WDR5: variants seen among roughly 807,000 people sequenced by gnomAD.
WDR5 encodes the protein WD repeat-containing protein 5.
For missense variants in WDR5, 187 were observed against 416.9 expected (o/e 0.45, Z 4.80); for synonymous variants, 144 against 161.6 (o/e 0.89, Z 0.83).
chr9:134,136,554 A>G (rs1831569793), intron 1 of WDR5, among the ~76,000 whole-genome samples: 1 of 151,650 alleles, frequency 6.6e-6, no homozygotes, highest in African/African-American at 2.4e-5. Flanking sequence ...TCAGGGAAGG[A>G]CCCCAGACCC....
chr9:134,149,585 A>G (rs1832392895), intron 8 of WDR5, among the ~76,000 whole-genome samples: 1 of 152,206 alleles, frequency 6.6e-6, no homozygotes, highest in Admixed American at 6.5e-5. Context: ...TGTGTCACCA[A>G]CAGGGAAGTG....
intron 7 of WDR5, among the ~76,000 whole-genome samples, chr9:134,146,169 G>A (rs1267180304): frequency 1.3e-5 from 2 of 150,156 alleles, no homozygotes; most frequent in Non-Finnish European, 3.0e-5. Flanking sequence ...GGGTTTCACC[G>A]TGTTAGCCGG....
intron 1 of WDR5, among the ~76,000 whole-genome samples, chr9:134,136,816 G>A (rs1015652476): frequency 6.6e-5 from 10 of 152,180 alleles, no homozygotes; most frequent in Non-Finnish European, 1.3e-4. Context: ...AGGTCGGCCT[G>A]TTACATCGCT....
At chr9:134,136,420 C>G (rs1213259446) in intron 1 of WDR5, among the ~76,000 whole-genome samples, 2 of 151,758 alleles carry the variant, frequency 1.3e-5, no homozygotes, top group African/African-American at 2.4e-5. Flanking sequence ...GGTCCGCCCC[C>G]ACTCGCGCCC....
At chr9:134,140,559 A>C in intron 2 of WDR5, 144 bp from the exon 3 acceptor site, 4 of 735,988 alleles carry the variant, frequency 5.4e-6, no homozygotes, top group African/African-American at 1.7e-5. Flanking sequence ...CTGTCCACAT[A>C]GAGATTGGTG....
chr9:134,139,621 G>C (rs529420599), intron 1 of WDR5, among the ~76,000 whole-genome samples, 199 bp from the exon 2 acceptor site: 1 of 152,116 alleles, frequency 6.6e-6, no homozygotes, highest in Non-Finnish European at 1.5e-5. Context: ...AGGGGAGAGC[G>C]CAGGGGTGTC....
At chr9:134,146,439 T>C (rs1001058290) in intron 7 of WDR5, among the ~76,000 whole-genome samples, 1 of 152,226 alleles carries the variant, frequency 6.6e-6, no homozygotes, top group Non-Finnish European at 1.5e-5. Context: ...TTTCACCATG[T>C]TGGCCAGGCT....
chr9:134,150,950 C>T (rs953363425), intron 8 of WDR5, among the ~76,000 whole-genome samples: 8 of 152,094 alleles, frequency 5.3e-5, no homozygotes, highest in Non-Finnish European at 8.8e-5. Flanking sequence ...TTTAGGAATG[C>T]GGCTAGTGAG....
intron 8 of WDR5, among the ~76,000 whole-genome samples, chr9:134,150,587 A>G (rs952091069): frequency 9.9e-5 from 15 of 152,268 alleles, no homozygotes; most frequent in Admixed American, 3.9e-4. Flanking sequence ...TAGTCCTATG[A>G]AAATTGAATA....
At position 134,155,321 on chromosome 9, in the gene WDR5, C is replaced by A; in HGVS notation, c.708-19C>A. Reference sequence around the variant, plus strand: ...GATGCCTCCAGACATGCCGCCTCACCCCTCTCTCTGTCTTGCAGCACTCTG... The same window carrying A: ...GATGCCTCCAGACATGCCGCCTCACACCTCTCTCTGTCTTGCAGCACTCTG... On this transcript the variant is annotated intron_variant, in intron 10 of 13. Coordinates refer to ENST00000358625, the MANE Select transcript of WDR5 (RefSeq NM_017588.3). 1 of 1,591,424 alleles carries A rather than the reference C, an allele frequency of 6.3e-7. No homozygotes were observed. The highest frequency in any genetic ancestry group is 1.4e-5 in the African/African-American group (1 of 73,814).
intron 7 of WDR5, 144 bp from the exon 8 acceptor site, chr9:134,148,144 G>A: frequency 6.3e-6 from 4 of 632,806 alleles, no homozygotes; most frequent in East Asian, 3.4e-5. Flanking sequence ...GACAGAGCGA[G>A]ACTCTTTCTG....
intron 13 of WDR5, among the ~76,000 whole-genome samples, chr9:134,156,900 G>A (rs1202463666): frequency 6.6e-6 from 1 of 152,212 alleles, no homozygotes; most frequent in East Asian, 1.9e-4. Context: ...ACGTCACGGC[G>A]AGCTCTGTTT....
At chr9:134,153,735 G>C (rs542220635) in intron 9 of WDR5, among the ~76,000 whole-genome samples, 2 of 151,588 alleles carry the variant, frequency 1.3e-5, no homozygotes, top group African/African-American at 2.4e-5. Flanking sequence ...GCGCGTGCAC[G>C]TGCTTGGGGG....
At chr9:134,152,104 A>C (rs1054950377) in intron 9 of WDR5, 75 bp downstream of exon 9, 31 of 1,529,426 alleles carry the variant, frequency 2.0e-5, no homozygotes, top group Middle Eastern at 1.7e-4. Flanking sequence ...CCTGTTCTTC[A>C]CCAGCTCCTC....
At chr9:134,149,477 C>T (rs2132561012) in intron 8 of WDR5, among the ~76,000 whole-genome samples, 1 of 152,276 alleles carries the variant, frequency 6.6e-6, no homozygotes, top group Admixed American at 6.5e-5. Flanking sequence ...GGATACACTT[C>T]AGGAACAGCC....
At chr9:134,144,169 G>C (rs1832048499) in intron 7 of WDR5, among the ~76,000 whole-genome samples, 1 of 152,268 alleles carries the variant, frequency 6.6e-6, no homozygotes, top group Admixed American at 6.5e-5. Context: ...TGCGGGGTCT[G>C]AGCCCCGCAC....
chr9:134,151,883 G>A (rs1355756167), intron 8 of WDR5, 100 bp from the exon 9 acceptor site: 5 of 1,204,350 alleles, frequency 4.2e-6, no homozygotes, highest in African/African-American at 1.5e-5. Flanking sequence ...AAAAAGATAG[G>A]GAAAAGCGTG....
chr9:134,140,006 TAGAG>T, intron 2 of WDR5, 48 bp downstream of exon 2: 1 of 1,602,776 alleles, frequency 6.2e-7, no homozygotes, highest in African/African-American at 1.3e-5. Context: ...CAAATACGCT[TAGAG>T]AGTCTCGGAA....
chr9:134,156,085 C>T (rs1191989121), intron 12 of WDR5, among the ~76,000 whole-genome samples: 1 of 152,206 alleles, frequency 6.6e-6, no homozygotes, highest in African/African-American at 2.4e-5. Flanking sequence ...GCGCTGGCTC[C>T]GGGGCTGTCG....
Sources: allele counts gnomAD v4.1 joint callset (sites outside exome capture counted in the v4.1 genomes callset), GRCh38; gene constraint gnomAD v4.1.1; transcripts MANE v1.5; gene names NCBI Gene and HGNC (gene_info 2026-07-23, HGNC 2026-07-21).